The following CCR8 variants were observed in gnomAD, a reference collection of about 807,000 sequenced individuals.
CCR8 encodes C-C chemokine receptor type 8.
For missense variants in CCR8, 358 were observed against 417.5 expected (o/e 0.86, Z 1.24); for synonymous variants, 156 against 165.7 (o/e 0.94, Z 0.45).
At position 39,333,138 on chromosome 3, in the gene CCR8, G is replaced by A. The variant is rs1401720508; in HGVS notation, c.807G>A (p.Leu269=). The A allele has an allele frequency of 3.1e-6, 5 of 1,614,046 alleles. No individual in the cohort carries two copies. Among genetic ancestry groups the A allele is most frequent in the Non-Finnish European group, 4.2e-6 (5 of 1,179,992 alleles). Residue 269 remains leucine (L), a synonymous_variant, in exon 2 of 2, where the codon TTG becomes TTA. Transcript: ENST00000326306. The stretch of plus-strand genomic sequence containing the variant: ...CTTCCTTGCACAGTATGCACATCTT[G>A]GATGGATGTAGCATAAGCCAACAGC... ...FLTSLHSMHI[L]DGCSISQQLT...
rs764662305 is a variant in CCR8 at position 39,333,394 on chromosome 3, T to C, written c.1063T>C (p.Leu355=). ...SSRSSSVDYI[L] is the part of the protein sequence containing the mutation. ...CCGTTCCTCCAGCGTAGACTACATT[T>C]TGTGAGGATCAATGAAGACTAAATA... The change falls in exon 2 of 2, where the codon TTG becomes CTG. Residue 355 remains leucine, a synonymous_variant. Coordinates refer to ENST00000326306, the MANE Select transcript of CCR8 (RefSeq NM_005201.4). 4 of 1,607,456 alleles carry C rather than the reference T, an allele frequency of 2.5e-6. No individual in the cohort carries two copies. Among genetic ancestry groups the C allele is most frequent in the Non-Finnish European group, 3.4e-6 (4 of 1,176,686 alleles).
intron 1 of CCR8, among the ~76,000 whole-genome samples, chr3:39,331,470 T>A (rs1290460659): frequency 6.6e-6 from 1 of 151,034 alleles, no homozygotes; most frequent in Non-Finnish European, 1.5e-5. Flanking sequence ...GTTTTGTTTC[T>A]GTTTTCTTTT....
chr3:39,333,111 C>T lies in CCR8; in HGVS notation c.780C>T (p.Leu260=), dbSNP rs1447860814. ...FWVPFNVVLF[L]TSLHSMHILD... ...TCCCATTCAACGTGGTTCTTTTCCT[C>T]ACTTCCTTGCACAGTATGCACATCT... Residue 260 remains leucine, a synonymous_variant, in exon 2 of 2, where the codon CTC becomes CTT. Transcript: ENST00000326306. 6.2e-7 allele frequency: 1 copy of T among 1,614,114 alleles called. No homozygotes were observed. Among genetic ancestry groups the T allele is most frequent in the Admixed American group, 1.7e-5 (1 of 60,006 alleles).
In CCR8 at chr3:39,329,813, C is replaced by G. The variant is rs1009164672; in HGVS notation, c.-31C>G. ...ATTGGCAACACTGAAACCTCCAGAA[C>G]AAAGGCTGTCACTAAGGTATGTGCT... On this transcript the variant is annotated 5_prime_UTR_variant, in exon 1 of 2. Coordinates refer to ENST00000326306, the MANE Select transcript of CCR8 (RefSeq NM_005201.4). 6.6e-6 allele frequency: 1 copy of G among 152,326 alleles called. No individual in the cohort carries two copies. Among genetic ancestry groups the G allele is most frequent in the African/African-American group, 2.4e-5 (1 of 41,572 alleles). The allele number at this position is 152,326 out of a possible 1,614,324, so 9.4% of individuals were successfully genotyped here.
At chr3:39,331,245 T>C (rs2041252775) in intron 1 of CCR8, among the ~76,000 whole-genome samples, 1 of 152,194 alleles carries the variant, frequency 6.6e-6, no homozygotes, top group African/African-American at 2.4e-5. Context: ...CAGAAAGTGT[T>C]GTTTAACATA....
Position 39,333,461 on chromosome 3 carries a change from A to G in CCR8, c.*62A>G. The G allele has an allele frequency of 2.2e-6, 3 of 1,349,416 alleles. No individual in the cohort carries two copies. Among genetic ancestry groups the G allele is most frequent in the Non-Finnish European group, 3.1e-6 (3 of 980,292 alleles). The allele number at this position is 1,349,416 out of a possible 1,614,324, so 83.6% of individuals were successfully genotyped here. A position where few individuals can be genotyped will look rare whatever the true frequency, so the allele number is the denominator to read the frequency against. On this transcript the variant is annotated 3_prime_UTR_variant, in exon 2 of 2. Transcript: ENST00000326306. ...GAATGGCATGCTAGTAGCAGTGAGC[A>G]AAGGTGTGGGTGTGAAAGGTTTCCA...
Position 39,332,595 on chromosome 3 carries a change from C to G in CCR8, c.264C>G (p.Phe88Leu). The G allele has an allele frequency of 1.9e-6, 3 of 1,614,158 alleles. 1 individual carries two copies. In the South Asian group the frequency reaches 3.3e-5, roughly 18 times the overall value. Reference protein sequence around the residue: ...ALSDLLFVFSFPFQTYYLLDQ... With the variant: ...ALSDLLFVFSLPFQTYYLLDQ... ...CTGACCTGCTTTTTGTCTTCTCCTT[C>G]CCCTTTCAGACCTACTATCTGCTGG... Residue 88 changes from phenylalanine (F) to leucine (L), a missense_variant, in exon 2 of 2, where the codon TTC becomes TTG. Phe to Leu is a conservative substitution (Grantham distance 22). Transcript: ENST00000326306.
At position 39,332,929 on chromosome 3, in the gene CCR8, T is replaced by C; in HGVS notation, c.598T>C (p.Phe200Leu). ...TTTGAAGTGGAAGATCTTCACCAAC[T>C]TCAAAATGAACATTTTAGGCTTGTT... Reference protein sequence around the residue: ...QTLKWKIFTNFKMNILGLLIP... With the variant: ...QTLKWKIFTNLKMNILGLLIP... Residue 200 changes from phenylalanine to leucine, a missense_variant, in exon 2 of 2, where the codon TTC (phenylalanine) becomes CTC (leucine). Phe to Leu is a conservative substitution (Grantham distance 22). Transcript: ENST00000326306. 2 of 1,614,132 alleles carry C rather than the reference T, an allele frequency of 1.2e-6. No individual in the cohort carries two copies. Among genetic ancestry groups the C allele is most frequent in the Non-Finnish European group, 1.7e-6 (2 of 1,179,982 alleles).
rs536796486 is a variant in CCR8 at position 39,332,299 on chromosome 3, T to G, written c.-14-19T>G. ...ATGTTTTTAAGGAGTGAATGTCTTT[T>G]ATGTGTCTCTGTGACCAGGTCCCGC... On this transcript the variant is annotated intron_variant, in intron 1 of 1. Transcript: ENST00000326306. 21 of 1,395,518 alleles carry G rather than the reference T, an allele frequency of 1.5e-5. No individual in the cohort carries two copies. In the African/African-American group the frequency reaches 2.6e-4, roughly 17 times the overall value. 86.4% of individuals were successfully genotyped at this position (1,395,518 alleles called of 1,614,324 possible). A position where few individuals can be genotyped will look rare whatever the true frequency, so the allele number is the denominator to read the frequency against.
At chr3:39,332,217 A>C (rs1340323683) in intron 1 of CCR8, 101 bp from the exon 2 acceptor site, 3 of 696,400 alleles carry the variant, frequency 4.3e-6, no homozygotes, top group Non-Finnish European at 7.2e-6. Context: ...TCAACACATG[A>C]ATTTGGGGAG....
chr3:39,331,470 T>C (rs1290460659), intron 1 of CCR8, among the ~76,000 whole-genome samples: 1 of 151,034 alleles, frequency 6.6e-6, no homozygotes, highest in Non-Finnish European at 1.5e-5. Flanking sequence ...GTTTTGTTTC[T>C]GTTTTCTTTT....
chr3:39,331,265 G>C (rs1253917670), intron 1 of CCR8, among the ~76,000 whole-genome samples: 1 of 152,066 alleles, frequency 6.6e-6, no homozygotes, highest in Non-Finnish European at 1.5e-5. Flanking sequence ...ACTTCTAAAG[G>C]CTGGAAGTCC....
chr3:39,333,182 T>C lies in CCR8; in HGVS notation c.851T>C (p.Val284Ala). 8 of 1,614,128 alleles carry C rather than the reference T, an allele frequency of 5.0e-6. No homozygotes were observed. Among genetic ancestry groups the C allele is most frequent in the Non-Finnish European group, 5.1e-6 (6 of 1,180,006 alleles). The change falls in exon 2 of 2, where the codon GTC (valine) becomes GCC (alanine). Residue 284 changes from valine to alanine, a missense_variant. Transcript: ENST00000326306. The stretch of plus-strand genomic sequence containing the variant: ...CAACAGCTGACTTATGCCACCCATG[T>C]CACAGAAATCATTTCCTTTACTCAC... Reference protein sequence around the residue: ...ISQQLTYATHVTEIISFTHCC... With the variant: ...ISQQLTYATHATEIISFTHCC...
In CCR8 at chr3:39,333,311, G is replaced by A. The variant is rs754926627; in HGVS notation, c.980G>A (p.Gly327Glu). The change falls in exon 2 of 2, where the codon GGA becomes GAA. Residue 327 changes from glycine to glutamate, a missense_variant. Coordinates refer to ENST00000326306, the MANE Select transcript of CCR8 (RefSeq NM_005201.4). ...TGCAGCCAAATCTTCAACTACCTAG[G>A]AAGACAAATGCCTAGGGAGAGCTGT... ...KSCSQIFNYL[G>E]RQMPRESCEK... The A allele has an allele frequency of 1.2e-6, 2 of 1,614,054 alleles. No homozygotes were observed. The highest frequency in any genetic ancestry group is 2.2e-5 in the East Asian group (1 of 44,882).
Position 39,332,717 on chromosome 3 carries a change from T to C in CCR8, c.386T>C (p.Val129Ala), listed in dbSNP as rs1393456424. 3.1e-6 allele frequency: 5 copies of C among 1,614,058 alleles called. No individual in the cohort carries two copies. The highest frequency in any genetic ancestry group is 2.5e-6 in the Non-Finnish European group (3 of 1,180,024). The part of the protein sequence containing the change: ...SSMFFITLMS[V>A]DRYLAVVHAV... ...ATGTTTTTCATCACCCTCATGAGTG[T>C]GGACAGGTACCTGGCTGTTGTCCAT... is the stretch of plus-strand genomic sequence containing the variant. Residue 129 changes from valine (V) to alanine (A), a missense_variant, in exon 2 of 2, where the codon GTG becomes GCG. By Grantham distance (64) the Val-to-Ala change is moderately conservative (BLOSUM62 0). Coordinates refer to ENST00000326306, the MANE Select transcript of CCR8 (RefSeq NM_005201.4).
At position 39,332,822 on chromosome 3, in the gene CCR8, C is replaced by T; in HGVS notation, c.491C>T (p.Ala164Val). ...CLAVWLTAIM[A>V]TIPLLVFYQV... Reference sequence around the variant, plus strand: ...GCAGTATGGCTAACCGCCATTATGGCTACCATCCCATTGCTAGTGTTTTAC... The same window carrying T: ...GCAGTATGGCTAACCGCCATTATGGTTACCATCCCATTGCTAGTGTTTTAC... The change falls in exon 2 of 2, where the codon GCT becomes GTT. Residue 164 changes from alanine to valine, a missense_variant. Transcript: ENST00000326306. The T allele has an allele frequency of 3.1e-6, 5 of 1,614,178 alleles. No homozygotes were observed. Among genetic ancestry groups the T allele is most frequent in the Non-Finnish European group, 4.2e-6 (5 of 1,180,018 alleles).
At chr3:39,330,109 G>T (rs979150665) in intron 1 of CCR8, among the ~76,000 whole-genome samples, 1 of 152,174 alleles carries the variant, frequency 6.6e-6, no homozygotes, top group Non-Finnish European at 1.5e-5. Context: ...GATAAGAGAA[G>T]ATCCTTTATA....
rs773636881 is a variant in CCR8, at chr3:39,332,431, G to T, written c.100G>T (p.Gly34Cys). The T allele has an allele frequency of 6.2e-7, 1 of 1,613,868 alleles. No homozygotes were observed. The highest frequency in any genetic ancestry group is 8.5e-7 in the Non-Finnish European group (1 of 1,179,868). Reference sequence around the variant, plus strand: ...TGATGCGGAACTTATTCAGACAAATGGCAAGTTGCTCCTTGCTGTCTTTTA... The same window carrying T: ...TGATGCGGAACTTATTCAGACAAATTGCAAGTTGCTCCTTGCTGTCTTTTA... ...PCDAELIQTN[G>C]KLLLAVFYCL... The change falls in exon 2 of 2, where the codon GGC becomes TGC. Residue 34 changes from glycine (G) to cysteine (C), a missense_variant. Coordinates refer to ENST00000326306, the MANE Select transcript of CCR8 (RefSeq NM_005201.4).
intron 1 of CCR8, among the ~76,000 whole-genome samples, chr3:39,331,774 T>C (rs2041257573): frequency 1.3e-5 from 2 of 148,498 alleles, no homozygotes. Context: ...GCCAGGGCCC[T>C]GCCTTTATAA....
Sources: gnomAD v4.1 joint callset for allele counts (sites outside exome capture counted in the v4.1 genomes callset) on GRCh38, gnomAD v4.1.1 for gene constraint, MANE v1.5 for transcripts, NCBI Gene and HGNC (gene_info 2026-07-23, HGNC 2026-07-21) for gene names.